Variants in FAM13A observed in about 807,000 individuals in gnomAD.
FAM13A encodes protein FAM13A.
Under a neutral mutation model 129.6 loss-of-function variants are expected in FAM13A, and 76 were observed. The ratio of observed to expected loss-of-function variants is 0.59; its 90% CI spans 0.49 to 0.71. The LOEUF (loss-of-function observed/expected upper bound fraction) is 0.71, where lower values mean the gene tolerates loss of function less well. Ranked by LOEUF, FAM13A falls within the 30% of genes least tolerant of loss-of-function variation. The pLI is 0.00. For missense variants in FAM13A, 1,108 were observed against 1,249.3 expected, an observed-to-expected ratio of 0.89 and a Z score of 1.70; for synonymous variants, 443 against 449.9, an observed-to-expected ratio of 0.98 and a Z score of 0.20.
chr4:88,992,847 G>A (rs1309842999), intron 3 of FAM13A, among the ~76,000 whole-genome samples: 1 of 152,100 alleles, frequency 6.6e-6, no homozygotes, highest in Admixed American at 6.6e-5. Flanking sequence ...AGACATCTAA[G>A]AGAATAAAAA....
At chr4:88,756,338 T>C (rs1288619481) in intron 14 of FAM13A, among the ~76,000 whole-genome samples, 1 of 152,230 alleles carries the variant, frequency 6.6e-6, no homozygotes, top group Non-Finnish European at 1.5e-5. Context: ...TTCATTTCCC[T>C]TTTTGTTTAC....
intron 6 of FAM13A, among the ~76,000 whole-genome samples, chr4:88,906,171 C>T (rs910560203): frequency 9.2e-5 from 14 of 152,096 alleles, no homozygotes; most frequent in African/African-American, 2.4e-4. Context: ...ACCTTTAGTC[C>T]GAGCTACCCC....
intron 3 of FAM13A, among the ~76,000 whole-genome samples, chr4:88,993,483 A>G (rs1763167241): frequency 6.6e-6 from 1 of 152,198 alleles, no homozygotes; most frequent in African/African-American, 2.4e-5. Context: ...TGAAACCTCA[A>G]ACCATAAGGC....
intron 8 of FAM13A, among the ~76,000 whole-genome samples, chr4:88,796,461 CATTT>C (rs531446977): frequency 1.1e-3 from 165 of 152,074 alleles, no homozygotes; most frequent in African/African-American, 3.6e-3. Flanking sequence ...TATAGGTGCT[CATTT>C]ATTTGAAATC....
In FAM13A at chr4:88,727,447, A is replaced by G. The variant is rs550377694; in HGVS notation, c.*1086T>C. ...TGACTTCTTTTTTTTCTTTTTATACATGATCTCGAAAATAGTGTGATTTAG... is the reference window on the plus strand; with the variant it reads ...TGACTTCTTTTTTTTCTTTTTATACGTGATCTCGAAAATAGTGTGATTTAG... On this transcript the variant is annotated 3_prime_UTR_variant, in exon 24 of 24. Coordinates refer to ENST00000264344, the MANE Select transcript of FAM13A (RefSeq NM_014883.4). 85 of 152,664 alleles carry G rather than the reference A, an allele frequency of 5.6e-4. No homozygotes were observed. The highest frequency in any genetic ancestry group is 1.9e-3 in the African/African-American group (77 of 41,526). The allele number at this position is 152,664 out of a possible 1,614,324, so 9.5% of individuals were successfully genotyped here. A position where few individuals can be genotyped will look rare whatever the true frequency, so the allele number is the denominator to read the frequency against.
chr4:88,835,157 C>T (rs1734599813), intron 7 of FAM13A, among the ~76,000 whole-genome samples: 1 of 152,198 alleles, frequency 6.6e-6, no homozygotes, highest in East Asian at 1.9e-4. Context: ...CATACATGGA[C>T]TGGGGGCCCA....
intron 3 of FAM13A, among the ~76,000 whole-genome samples, chr4:88,994,465 C>T (rs576962555): frequency 6.6e-6 from 1 of 152,206 alleles, no homozygotes; most frequent in East Asian, 1.9e-4. Context: ...TAGAAGAATG[C>T]CTAGGGTAGC....
intron 7 of FAM13A, among the ~76,000 whole-genome samples, chr4:88,814,597 G>GT (rs1427131755): frequency 6.6e-6 from 1 of 152,032 alleles, no homozygotes; most frequent in African/African-American, 2.4e-5. Context: ...AAAACACAGG[G>GT]TATCAATGGT....
At chr4:88,935,653 C>A (rs1055406665) in intron 5 of FAM13A, among the ~76,000 whole-genome samples, 1 of 152,076 alleles carries the variant, frequency 6.6e-6, no homozygotes, top group Admixed American at 6.6e-5. Flanking sequence ...TTCTTTTAAG[C>A]CCATCTACCT....
intron 10 of FAM13A, among the ~76,000 whole-genome samples, chr4:88,783,322 C>CA (rs1467193353): frequency 6.6e-6 from 1 of 151,600 alleles, no homozygotes; most frequent in Non-Finnish European, 1.5e-5. Context: ...TTTTTTGAGA[C>CA]AGAGTCTTGC....
At chr4:88,885,894 C>G (rs964162828) in intron 6 of FAM13A, among the ~76,000 whole-genome samples, 1 of 151,392 alleles carries the variant, frequency 6.6e-6, no homozygotes, top group Non-Finnish European at 1.5e-5. Context: ...ATACAAATGG[C>G]CAATAAACAT....
chr4:88,922,357 G>A (rs1376469989), intron 5 of FAM13A, among the ~76,000 whole-genome samples: 1 of 152,030 alleles, frequency 6.6e-6, no homozygotes, highest in Non-Finnish European at 1.5e-5. Flanking sequence ...CTGTCTCTCA[G>A]ACCACAGTGC....
intron 6 of FAM13A, among the ~76,000 whole-genome samples, chr4:88,860,388 C>T (rs1160443596): frequency 6.6e-6 from 1 of 152,224 alleles, no homozygotes; most frequent in Non-Finnish European, 1.5e-5. Context: ...AGTTAAGCTG[C>T]TTCTTCTGGA....
chr4:88,968,944 G>A (rs905205658), intron 4 of FAM13A, among the ~76,000 whole-genome samples: 3 of 151,788 alleles, frequency 2.0e-5, no homozygotes, highest in Admixed American at 6.6e-5. Flanking sequence ...TAACTAAGGG[G>A]GTATGAAATA....
At chr4:89,005,158 C>G (rs529595164) in intron 3 of FAM13A, among the ~76,000 whole-genome samples, 64 of 152,302 alleles carry the variant, frequency 4.2e-4, no homozygotes, top group Non-Finnish European at 1.0e-4. Flanking sequence ...TAAGTGAGAA[C>G]AAGCAGCATT....
chr4:88,847,853 C>T (rs887790835), intron 7 of FAM13A, among the ~76,000 whole-genome samples: 4 of 151,778 alleles, frequency 2.6e-5, no homozygotes, highest in African/African-American at 7.3e-5. Context: ...AGGAGAATGG[C>T]GTGAACCCAG....
At chr4:88,989,465 G>T (rs541322977) in intron 4 of FAM13A, among the ~76,000 whole-genome samples, 2 of 152,136 alleles carry the variant, frequency 1.3e-5, no homozygotes, top group African/African-American at 4.8e-5. Context: ...AATTGGGCAT[G>T]ATGGCATGTG....
At chr4:88,741,716 G>A (rs767369812) in intron 19 of FAM13A, among the ~76,000 whole-genome samples, 2 of 152,074 alleles carry the variant, frequency 1.3e-5, no homozygotes, top group African/African-American at 2.4e-5. Flanking sequence ...AAAAGGAAAC[G>A]TTCATTGGAA....
chr4:89,039,992 CT>C (rs1769901158), intron 1 of FAM13A, among the ~76,000 whole-genome samples: 1 of 151,504 alleles, frequency 6.6e-6, no homozygotes, highest in Non-Finnish European at 1.5e-5. Context: ...AGCCAATTGT[CT>C]CATCAGGACA....
Sources: gnomAD v4.1 joint callset for allele counts (sites outside exome capture counted in the v4.1 genomes callset) on GRCh38, gnomAD v4.1.1 for gene constraint, MANE v1.5 for transcripts, NCBI Gene and HGNC (gene_info 2026-07-23, HGNC 2026-07-21) for gene names.